Variants in F10 observed in about 807,000 individuals in gnomAD.
The protein encoded by F10 is coagulation factor X, also known as Stuart-Prower factor.
In F10, 29 loss-of-function variants were observed where a neutral mutation model predicts 37.1. That is an observed-to-expected ratio of 0.78 (90% CI 0.58 to 1.07). The LOEUF is 1.07. Among genes scored for constraint, F10 ranks in the 50% least tolerant of loss-of-function variants. F10 has a pLI of 0.00. For missense variants in F10, 539 were observed against 667.9 expected, an observed-to-expected ratio of 0.81 and a Z score of 2.13; for synonymous variants, 262 against 268.6, an observed-to-expected ratio of 0.98 and a Z score of 0.24.
chr13:113,125,659 C>G (rs1427012077), intron 1 of F10, among the ~76,000 whole-genome samples: 1 of 152,278 alleles, frequency 6.6e-6, no homozygotes, highest in East Asian at 1.9e-4. Context: ...CCTGCTCAGT[C>G]TGACTGAAGC....
chr13:113,140,073 CT>C (rs11398393), intron 4 of F10, among the ~76,000 whole-genome samples: 28,351 of 124,686 alleles, frequency 0.23, 2,613 homozygotes, highest in East Asian at 0.35. Flanking sequence ...AATTGATCAT[CT>C]TTTTTTTTTT....
At chr13:113,132,172 A>C (rs1232413921) in intron 2 of F10, 1 of 152,266 alleles carries the variant, frequency 6.6e-6, no homozygotes, top group African/African-American at 2.4e-5. Context: ...GTTAGCAAAT[A>C]AATGGCTTGT....
At chr13:113,124,108 G>A (rs2036347516) in intron 1 of F10, among the ~76,000 whole-genome samples, 2 of 152,234 alleles carry the variant, frequency 1.3e-5, no homozygotes, top group African/African-American at 4.8e-5. Context: ...TCTGCAGCCG[G>A]AATGCTCTAG....
At chr13:113,142,105 A>G (rs1311589456) in intron 5 of F10, among the ~76,000 whole-genome samples, 6 of 152,276 alleles carry the variant, frequency 3.9e-5, no homozygotes, top group Admixed American at 1.3e-4. Context: ...GAAACATCTC[A>G]GCAAGTGAAA....
At chr13:113,132,191 G>GA (rs1451969585) in intron 2 of F10, 2 of 152,162 alleles carry the variant, frequency 1.3e-5, no homozygotes, top group South Asian at 2.1e-4. Flanking sequence ...GTCTCTAACA[G>GA]AAAAAATTTA....
chr13:113,144,245 C>G lies in F10; in HGVS notation c.747+150C>G, dbSNP rs2036560320. 8.3e-7 allele frequency: 1 copy of G among 1,206,718 alleles called. No individual in the cohort carries two copies. The highest frequency in any genetic ancestry group is 2.5e-5 in the East Asian group (1 of 39,678). The allele number at this position is 1,206,718 out of a possible 1,614,324, so 74.8% of individuals were successfully genotyped here. ...GGGCTCCGCCACCCAAGCCTGCCTG[C>G]CTGTCCCCTCCCTCCGGGCAGCCAA... is the stretch of plus-strand genomic sequence containing the variant. On this transcript the variant is annotated intron_variant, in intron 6 of 7. Transcript: ENST00000375559. The surrounding 1 kb of genome is among the most constrained non-coding windows in gnomAD (Gnocchi z 6.4).
intron 2 of F10, 113 bp downstream of exon 2, chr13:113,129,725 G>T: frequency 7.0e-7 from 1 of 1,427,470 alleles, no homozygotes; most frequent in South Asian, 1.2e-5. Context: ...GGCAGCGTGC[G>T]CGAAGGCTTT....
chr13:113,140,843 G>A, intron 4 of F10, 76 bp from the exon 5 acceptor site: 12 of 1,607,274 alleles, frequency 7.5e-6, no homozygotes, highest in Non-Finnish European at 1.0e-5. Context: ...GCAAGTGGAT[G>A]TAGCTGGCAC....
chr13:113,137,422 G>A (rs1246475796), intron 2 of F10, among the ~76,000 whole-genome samples: 1 of 152,140 alleles, frequency 6.6e-6, no homozygotes, highest in African/African-American at 2.4e-5. Flanking sequence ...TGATGCTGGT[G>A]GCTACAGAAG....
Position 113,141,653 on chromosome 13 carries a change from C to G in F10, c.502+603C>G, listed in dbSNP as rs188000640. 6.6e-6 allele frequency among the ~76,000 whole-genome samples: 1 copy of G among 152,214 alleles called. No homozygotes were observed. The highest frequency in any genetic ancestry group is 2.1e-4 in the South Asian group (1 of 4,832). On this transcript the variant is annotated intron_variant, in intron 5 of 7. Transcript: ENST00000375559. This position sits in a 1 kb window ranked among gnomAD's most constrained non-coding sequence, Gnocchi z 5.4. ...CAGGGTGGGGACGAGCCTCCCTGTCCTGACCCCGTGGGCATTGCCTACGCT... is the reference window on the plus strand; with the variant it reads ...CAGGGTGGGGACGAGCCTCCCTGTCGTGACCCCGTGGGCATTGCCTACGCT...
Position 113,139,209 on chromosome 13 carries a change from A to G in F10, c.257-148A>G, listed in dbSNP as rs1048033375. 6.5e-5 allele frequency: 43 copies of G among 661,490 alleles called. No homozygotes were observed. The highest frequency in any genetic ancestry group is 1.0e-4 in the Non-Finnish European group (38 of 369,942). The allele number at this position is 661,490 out of a possible 1,614,324, so 41.0% of individuals were successfully genotyped here. ...GGCCACAAAAGGGGGTGGATCAAAT[A>G]AAGTCCAAAGAGGGGGAGTTGTTTA... On this transcript the variant is annotated intron_variant, in intron 3 of 7. Coordinates refer to ENST00000375559, the MANE Select transcript of F10 (RefSeq NM_000504.4). The surrounding 1 kb of genome is among the most constrained non-coding windows in gnomAD (Gnocchi z 5.2).
At chr13:113,129,659 A>G (rs1262800879) in intron 2 of F10, 47 bp downstream of exon 2, 2 of 1,612,018 alleles carry the variant, frequency 1.2e-6, no homozygotes, top group Non-Finnish European at 1.7e-6. Flanking sequence ...CTCAGGCCAC[A>G]GCGCCCTCGC....
intron 5 of F10, among the ~76,000 whole-genome samples, chr13:113,142,875 T>G (rs1247235224): frequency 6.6e-6 from 1 of 151,138 alleles, no homozygotes; most frequent in East Asian, 1.9e-4. Flanking sequence ...GAGGTTGCAA[T>G]GAGCCAAGAT....
chr13:113,134,554 C>T (rs761438290), intron 2 of F10, among the ~76,000 whole-genome samples: 1 of 152,186 alleles, frequency 6.6e-6, no homozygotes, highest in Admixed American at 6.5e-5. Context: ...ACCACCCTCA[C>T]GATTCAGTTA....
At chr13:113,128,886 GAAAAAAAAA>G (rs778396585) in intron 1 of F10, 12 of 44,804 alleles carry the variant, frequency 2.7e-4, no homozygotes, top group African/African-American at 7.6e-4. Flanking sequence ...ATCTTAAAGA[GAAAAAAAAA>G]AAAAAAAAAA....
chr13:113,129,524 T>C lies in F10; in HGVS notation c.143T>C (p.Met48Thr), dbSNP rs750510185. The change falls in exon 2 of 8, where the codon ATG becomes ACG. Residue 48 changes from methionine to threonine, a missense_variant. Coordinates refer to ENST00000375559, the MANE Select transcript of F10 (RefSeq NM_000504.4). ...AGGGCCAATTCCTTTCTTGAAGAGA[T>C]GAAGAAAGGACACCTCGAAAGAGAG... ...VTRANSFLEE[M>T]KKGHLERECM... 3 of 1,614,050 alleles carry C rather than the reference T, an allele frequency of 1.9e-6. No individual in the cohort carries two copies. Among genetic ancestry groups the C allele is most frequent in the Non-Finnish European group, 8.5e-7 (1 of 1,180,006 alleles).
chr13:113,145,191 A>AT (rs780603563), intron 6 of F10, among the ~76,000 whole-genome samples: 11 of 152,090 alleles, frequency 7.2e-5, no homozygotes, highest in East Asian at 5.8e-4. Flanking sequence ...TGCCTGGCTA[A>AT]TTTTTTTATT....
At chr13:113,128,818 T>C (rs1261285566) in intron 1 of F10, 2 of 150,752 alleles carry the variant, frequency 1.3e-5, no homozygotes, top group Non-Finnish European at 2.9e-5. Context: ...GAGGCAGATG[T>C]TGCAGTGAGC....
Position 113,146,815 on chromosome 13 carries a change from G to A in F10, c.748-564G>A, listed in dbSNP as rs939570530. ...AAACTTGCAAGTCCAGCTCCCTAGG[G>A]ACAGCATGTGGCACCCCTGTCAGTG... On this transcript the variant is annotated intron_variant, in intron 6 of 7. Transcript: ENST00000375559. This position sits in a 1 kb window ranked among gnomAD's most constrained non-coding sequence, Gnocchi z 4.5. Among the ~76,000 whole-genome samples the A allele has an allele frequency of 3.9e-5, 6 of 152,154 alleles. No homozygotes were observed. The highest frequency in any genetic ancestry group is 6.5e-5 in the Admixed American group (1 of 15,286).
Sources: gnomAD v4.1 joint callset for allele counts (sites outside exome capture counted in the v4.1 genomes callset) on GRCh38, gnomAD v4.1.1 for gene constraint, Gnocchi (gnomAD v3.1) non-coding constraint, MANE v1.5 for transcripts, NCBI Gene and HGNC (gene_info 2026-07-23, HGNC 2026-07-21) for gene names.